The following E2F2 variants were observed in gnomAD, a reference collection of about 807,000 sequenced individuals.
The protein encoded by E2F2 is E2F transcription factor 2.
Under a neutral mutation model 42.2 loss-of-function variants are expected in E2F2, and 22 were observed. That is an observed-to-expected ratio of 0.52 (90% CI 0.37 to 0.74). The LOEUF (loss-of-function observed/expected upper bound fraction) is 0.74. Ranked by LOEUF, E2F2 falls within the 30% of genes least tolerant of loss-of-function variation. The probability of loss-of-function intolerance (pLI) is 0.00; values close to 1 mark genes in which losing one functional copy is unlikely to be tolerated. For missense variants in E2F2, 481 were observed against 557.8 expected (o/e 0.86, Z 1.39); for synonymous variants, 248 against 251.6 (o/e 0.99, Z 0.13).
At chr1:23,527,444 G>C (rs180730910) in intron 1 of E2F2, among the ~76,000 whole-genome samples, 244 of 152,308 alleles carry the variant, frequency 1.6e-3, no homozygotes, top group Non-Finnish European at 3.0e-3. Context: ...TGGTCAGGAC[G>C]CAAGCCCACC....
chr1:23,510,914 A>G (rs1426618156), intron 6 of E2F2, among the ~76,000 whole-genome samples: 1 of 152,210 alleles, frequency 6.6e-6, no homozygotes, highest in African/African-American at 2.4e-5. Flanking sequence ...ACATTTAAAA[A>G]TAGTTATGAT....
chr1:23,510,362 A>G (rs756193501), intron 6 of E2F2, among the ~76,000 whole-genome samples: 3 of 151,990 alleles, frequency 2.0e-5, no homozygotes, highest in Admixed American at 6.6e-5. Flanking sequence ...GTCTCACTCT[A>G]TCACCCAGGC....
At chr1:23,512,974 G>A (rs1325440797) in intron 6 of E2F2, among the ~76,000 whole-genome samples, 2 of 151,930 alleles carry the variant, frequency 1.3e-5, no homozygotes, top group African/African-American at 2.4e-5. Flanking sequence ...CACCACCTCC[G>A]GCTAATTTTT....
At chr1:23,516,220 A>G (rs1643013856) in intron 6 of E2F2, 115 bp downstream of exon 6, 3 of 1,319,942 alleles carry the variant, frequency 2.3e-6, no homozygotes, top group Admixed American at 7.3e-5. Flanking sequence ...GGGTAGGATG[A>G]CTACATCCCC....
intron 1 of E2F2, among the ~76,000 whole-genome samples, chr1:23,527,402 T>C (rs373687479): frequency 2.6e-5 from 4 of 152,326 alleles, no homozygotes; most frequent in African/African-American, 9.6e-5. Flanking sequence ...TGGACGCTCT[T>C]AGGCAGCCCC....
intron 5 of E2F2, among the ~76,000 whole-genome samples, chr1:23,516,926 C>T (rs1412999702): frequency 6.6e-6 from 1 of 152,056 alleles, no homozygotes; most frequent in African/African-American, 2.4e-5. Context: ...GCACTAGGCC[C>T]AGGACTTTTG....
chr1:23,529,140 C>G (rs1288062375), intron 1 of E2F2, among the ~76,000 whole-genome samples: 1 of 152,190 alleles, frequency 6.6e-6, no homozygotes, highest in African/African-American at 2.4e-5. Context: ...AGGTCACATC[C>G]CCTCTCTGAG....
Position 23,530,557 on chromosome 1 carries a change from C to G in E2F2, c.237G>C (p.Pro79=), listed in dbSNP as rs771688323. 3.4e-5 allele frequency: 54 copies of G among 1,610,734 alleles called. 1 individual carries two copies. In the South Asian group the frequency reaches 5.5e-4, roughly 16 times the overall value. The change falls in exon 1 of 7, where the codon CCG becomes CCC. Residue 79 remains proline, a synonymous_variant. Coordinates refer to ENST00000361729, the MANE Select transcript of E2F2 (RefSeq NM_004091.4). The surrounding 1 kb of genome is among the most constrained non-coding windows in gnomAD (Gnocchi z 4.4). The part of the protein sequence containing the change: ...GPEGQVVRCL[P]AGRLPAKRKL... The stretch of plus-strand genomic sequence containing the variant: ...CCAGCATTACCGGCAGCCGGCCTGC[C>G]GGCAGGCATCGCACAACTTGGCCCT...
At position 23,513,697 on chromosome 1, in the gene E2F2, G is replaced by A. The variant is rs184534341; in HGVS notation, c.1045+2638C>T. ...AACTTCCTCCTCCTCCCTTCAGCAGGGATAATACTATGAGGCCATGTGACA... is the reference window on the plus strand; with the variant it reads ...AACTTCCTCCTCCTCCCTTCAGCAGAGATAATACTATGAGGCCATGTGACA... On this transcript the variant is annotated intron_variant, in intron 6 of 6. Coordinates refer to ENST00000361729, the MANE Select transcript of E2F2 (RefSeq NM_004091.4). 1.4e-4 allele frequency among the ~76,000 whole-genome samples: 21 copies of A among 151,592 alleles called. 1 individual carries two copies. The highest frequency in any genetic ancestry group is 5.1e-4 in the African/African-American group (21 of 41,290).
At chr1:23,505,956 C>T (rs748277264), downstream of E2F2, among the ~76,000 whole-genome samples, 16 of 152,150 alleles carry the variant, frequency 1.1e-4, no homozygotes, top group East Asian at 1.9e-4. Flanking sequence ...CCACCAAGCC[C>T]GGCTAATTTT....
chr1:23,524,893 C>T (rs985361303), intron 1 of E2F2, among the ~76,000 whole-genome samples: 1 of 152,178 alleles, frequency 6.6e-6, no homozygotes, highest in Non-Finnish European at 1.5e-5. Flanking sequence ...GGGGAAAGGG[C>T]CCCCCTACAG....
Position 23,508,173 on chromosome 1 carries a change from G to T in E2F2, c.*1707C>A, listed in dbSNP as rs1390392179. On this transcript the variant is annotated 3_prime_UTR_variant, in exon 7 of 7. Transcript: ENST00000361729. ...ACTCCTGGGAGGGGGCTAACTTGGG[G>T]GCCCAGGAATTTGAGCAAATGATGA... 6.6e-6 allele frequency: 1 copy of T among 152,262 alleles called. No individual in the cohort carries two copies. The highest frequency in any genetic ancestry group is 1.5e-5 in the Non-Finnish European group (1 of 68,092). 9.4% of individuals were successfully genotyped at this position (152,262 alleles called of 1,614,324 possible). A position where few individuals can be genotyped will look rare whatever the true frequency, so the allele number is the denominator to read the frequency against.
rs2148683268 is a variant in E2F2, at chr1:23,508,020, T to C, written c.*1860A>G. On this transcript the variant is annotated 3_prime_UTR_variant, in exon 7 of 7. Coordinates refer to ENST00000361729, the MANE Select transcript of E2F2 (RefSeq NM_004091.4). ...AGATCCTACACAGGGTCCCTGAGCA[T>C]GCTGGACTTTAAGACGGGCGTCTGA... 1 of 152,392 alleles carries C rather than the reference T, an allele frequency of 6.6e-6. No individual in the cohort carries two copies. The highest frequency in any genetic ancestry group is 2.4e-5 in the African/African-American group (1 of 41,586). 9.4% of individuals were successfully genotyped at this position (152,392 alleles called of 1,614,324 possible).
chr1:23,513,397 C>T (rs1404121750), intron 6 of E2F2, among the ~76,000 whole-genome samples: 3 of 152,086 alleles, frequency 2.0e-5, no homozygotes, highest in Non-Finnish European at 4.4e-5. Flanking sequence ...TGTTGAAACC[C>T]CTTCCATTAC....
In E2F2 at chr1:23,524,072, CACA is replaced by C. The variant is rs61262862; in HGVS notation, c.358+308_358+310del. Among the ~76,000 whole-genome samples, 98 of 125,210 alleles carry C rather than the reference CACA, an allele frequency of 7.8e-4. 1 individual carries two copies. Among genetic ancestry groups the C allele is most frequent in the African/African-American group, 2.5e-3 (84 of 33,400 alleles). 82.1% of individuals were successfully genotyped at this position (125,210 alleles called of 152,430 possible). On this transcript the variant is annotated intron_variant, in intron 2 of 6. Transcript: ENST00000361729. ...TTTGGTGACAGAGCGAGACCTGTCT[CACA>C]ACAACAACAACAACAACAACAACAA...
At chr1:23,515,501 G>A (rs1234771283) in intron 6 of E2F2, among the ~76,000 whole-genome samples, 3 of 152,014 alleles carry the variant, frequency 2.0e-5, no homozygotes, top group Non-Finnish European at 4.4e-5. Context: ...GGAGACCTTA[G>A]GTAAGACACA....
chr1:23,524,089 C>CAAAA (rs1320072066), intron 2 of E2F2, among the ~76,000 whole-genome samples: 1 of 58,562 alleles, frequency 1.7e-5, no homozygotes, highest in Non-Finnish European at 4.1e-5. Context: ...ACAACAACAA[C>CAAAA]AACAACAACA....
At chr1:23,512,401 CT>C (rs1219315341) in intron 6 of E2F2, among the ~76,000 whole-genome samples, 1 of 151,796 alleles carries the variant, frequency 6.6e-6, no homozygotes, top group Non-Finnish European at 1.5e-5. Context: ...GCTGTTACCC[CT>C]ATTTACAGAT....
chr1:23,509,133 G>A lies in E2F2; in HGVS notation c.*747C>T, dbSNP rs1236450588. The stretch of plus-strand genomic sequence containing the variant: ...CTCCTGTTTCCACAGGAGCCTCAGT[G>A]CTACCTGCCCTAGGATGGCTCCCTG... On this transcript the variant is annotated 3_prime_UTR_variant, in exon 7 of 7. Transcript: ENST00000361729. 6.6e-6 allele frequency: 1 copy of A among 152,144 alleles called. No individual in the cohort carries two copies. The highest frequency in any genetic ancestry group is 2.4e-5 in the African/African-American group (1 of 41,406). The allele number at this position is 152,144 out of a possible 1,614,324, so 9.4% of individuals were successfully genotyped here. A position where few individuals can be genotyped will look rare whatever the true frequency, so the allele number is the denominator to read the frequency against.
Sources: gnomAD v4.1 joint callset for allele counts (sites outside exome capture counted in the v4.1 genomes callset) on GRCh38, gnomAD v4.1.1 for gene constraint, Gnocchi (gnomAD v3.1) non-coding constraint, MANE v1.5 for transcripts, NCBI Gene and HGNC (gene_info 2026-07-23, HGNC 2026-07-21) for gene names.